The following UNC13B variants were observed in gnomAD, a reference collection of about 807,000 sequenced individuals.
UNC13B encodes protein unc-13 homolog B.
A neutral mutation model predicts 211.0 loss-of-function variants in UNC13B; 144 were observed. The observed-to-expected ratio is 0.68, with a 90% confidence interval of 0.60 to 0.78. UNC13B has a LOEUF of 0.78. Ranked by LOEUF, UNC13B falls within the 30% of genes least tolerant of loss-of-function variation. The pLI is 0.00. For missense variants in UNC13B, 1,777 were observed against 2,002.0 expected (o/e 0.89, Z 2.14); for synonymous variants, 709 against 725.8 (o/e 0.98, Z 0.37).
At chr9:35,313,144 C>T (rs580376) in intron 10 of UNC13B, among the ~76,000 whole-genome samples, 54,139 of 151,914 alleles carry the variant, frequency 0.36, 10,092 homozygotes, top group African/African-American at 0.46. Context: ...TCAGGGCTCT[C>T]GCCATTGCCT....
intron 1 of UNC13B, among the ~76,000 whole-genome samples, chr9:35,190,987 T>C (rs979014386): frequency 2.6e-5 from 4 of 151,788 alleles, no homozygotes; most frequent in Admixed American, 2.6e-4. Flanking sequence ...TGAGACAGAG[T>C]CTCGCTCTGT....
At chr9:35,188,685 T>C (rs915649830) in intron 1 of UNC13B, among the ~76,000 whole-genome samples, 3 of 152,224 alleles carry the variant, frequency 2.0e-5, no homozygotes, top group African/African-American at 4.8e-5. Flanking sequence ...AAATACTTGA[T>C]GTTATGAAAT....
At position 35,310,469 on chromosome 9, in the gene UNC13B, C is replaced by T; in HGVS notation, c.9011C>T (p.Pro3004Leu). The change falls in exon 10 of 40, where the codon CCC becomes CTC. Residue 3004 changes from proline (P) to leucine (L), a missense_variant and splice_region_variant. Physicochemically the swap from Pro to Leu is moderately conservative, Grantham distance 98. Coordinates refer to ENST00000635942, the MANE Select transcript of UNC13B (RefSeq NM_001371189.2). The stretch of plus-strand genomic sequence containing the variant: ...CTGTCTTTCTGTCATTCTCACAGCC[C>T]CACCAGCAGCAGTAGGTATGGCTCC... ...DIKEPMTNKS[P>L]TSSSRYGSSC... The T allele has an allele frequency of 1.2e-6, 2 of 1,612,312 alleles. No homozygotes were observed. The highest frequency in any genetic ancestry group is 1.7e-6 in the Non-Finnish European group (2 of 1,178,566).
chr9:35,275,693 A>G (rs1277718318), intron 7 of UNC13B, among the ~76,000 whole-genome samples: 1 of 151,978 alleles, frequency 6.6e-6, no homozygotes, highest in East Asian at 1.9e-4. Flanking sequence ...CCTGGGTTTA[A>G]GTGATTCCCC....
At chr9:35,398,074 C>T (rs920992748) in intron 30 of UNC13B, 137 bp from the exon 31 acceptor site, 1 of 695,242 alleles carries the variant, frequency 1.4e-6, no homozygotes, top group Admixed American at 3.0e-5. Flanking sequence ...TGAACTGGCC[C>T]CAGCTCTTAG....
intron 1 of UNC13B, 152 bp downstream of exon 1, chr9:35,162,457 G>T: frequency 3.7e-6 from 4 of 1,078,724 alleles, no homozygotes; most frequent in Non-Finnish European, 5.1e-6. Context: ...ACAATCACTT[G>T]AGTTCTTTCC....
chr9:35,333,602 C>T (rs1831486976), intron 11 of UNC13B, among the ~76,000 whole-genome samples: 1 of 152,230 alleles, frequency 6.6e-6, no homozygotes, highest in Admixed American at 6.5e-5. Context: ...CCTTAAATAT[C>T]CTTTCCTTTT....
Position 35,304,452 on chromosome 9 carries a change from C to G in UNC13B, c.5048C>G (p.Pro1683Arg). 2.5e-6 allele frequency: 1 copy of G among 398,446 alleles called. No individual in the cohort carries two copies. Among genetic ancestry groups the G allele is most frequent in the Non-Finnish European group, 4.4e-6 (1 of 225,806 alleles). 24.7% of individuals were successfully genotyped at this position (398,446 alleles called of 1,614,324 possible). The change falls in exon 9 of 40, where the codon CCC becomes CGC. Residue 1683 changes from proline (P) to arginine (R), a missense_variant. Coordinates refer to ENST00000635942, the MANE Select transcript of UNC13B (RefSeq NM_001371189.2). ...TGTACATTAGATCTCAGAAATCAGC[C>G]CCAAACTATTAGTAATCATGTCTCA... ...AECTLDLRNQ[P>R]QTISNHVSSR... is the part of the protein sequence containing the mutation.
chr9:35,166,627 C>T (rs1303397144), intron 1 of UNC13B, among the ~76,000 whole-genome samples: 1 of 152,052 alleles, frequency 6.6e-6, no homozygotes, highest in South Asian at 2.1e-4. Context: ...ACAAGGAACA[C>T]ACCACCACAC....
rs1248665965 is a variant in UNC13B, at chr9:35,404,818, T to G, written c.*785T>G. 1 of 152,602 alleles carries G rather than the reference T, an allele frequency of 6.6e-6. No individual in the cohort carries two copies. The highest frequency in any genetic ancestry group is 2.4e-5 in the African/African-American group (1 of 41,414). The allele number at this position is 152,602 out of a possible 1,614,324, so 9.5% of individuals were successfully genotyped here. ...CAGGCTGTTCTAACATGTGTCTACC[T>G]GAGGGCTAGTTGAAGGATCCAGGAG... is the stretch of plus-strand genomic sequence containing the variant. On this transcript the variant is annotated 3_prime_UTR_variant, in exon 40 of 40. Transcript: ENST00000635942.
chr9:35,398,940 CGGG>C lies in UNC13B; in HGVS notation c.11982_11984del (p.Gly3995del). On this transcript the variant is annotated inframe_deletion, in exon 33 of 40. Coordinates refer to ENST00000635942, the MANE Select transcript of UNC13B (RefSeq NM_001371189.2). ...AATGGCCGACATCCTGGGCCAGGTT[CGGG>C]GCACAGGGAATGCATCTCCAGACGC... 2 of 1,614,180 alleles carry C rather than the reference CGGG, an allele frequency of 1.2e-6. No homozygotes were observed. Among genetic ancestry groups the C allele is most frequent in the Non-Finnish European group, 1.7e-6 (2 of 1,180,028 alleles).
At chr9:35,377,891 A>G (rs1304840212) in intron 16 of UNC13B, among the ~76,000 whole-genome samples, 196 bp downstream of exon 16, 4 of 152,214 alleles carry the variant, frequency 2.6e-5, no homozygotes, top group Non-Finnish European at 5.9e-5. Flanking sequence ...GCTATCTGCA[A>G]ACAACATGAA....
intron 3 of UNC13B, 33 bp downstream of exon 3, chr9:35,231,252 AT>A: frequency 1.4e-6 from 2 of 1,380,564 alleles, no homozygotes; most frequent in Non-Finnish European, 1.0e-6. Context: ...GTGCCTACAT[AT>A]TTTATAATCT....
intron 7 of UNC13B, among the ~76,000 whole-genome samples, chr9:35,286,835 C>T (rs1337813735): frequency 6.6e-6 from 1 of 152,128 alleles, no homozygotes; most frequent in African/African-American, 2.4e-5. Context: ...ATCGCAAATC[C>T]ACAGGGCAGA....
intron 6 of UNC13B, among the ~76,000 whole-genome samples, chr9:35,246,160 T>C (rs1448817970): frequency 1.3e-5 from 2 of 152,178 alleles, no homozygotes; most frequent in Non-Finnish European, 2.9e-5. Flanking sequence ...TTTTGAGAAG[T>C]GCCTGTTCAT....
In UNC13B at chr9:35,399,739, C is replaced by T. The variant is rs766846095; in HGVS notation, c.12336+10C>T. On this transcript the variant is annotated intron_variant, in intron 36 of 39. Coordinates refer to ENST00000635942, the MANE Select transcript of UNC13B (RefSeq NM_001371189.2). ...CCTGGACACCATCAAGGTGGAGGCC[C>T]CCCCTTTTTCAGACAGTCTTAACCA... The T allele has an allele frequency of 6.2e-7, 1 of 1,613,962 alleles. No individual in the cohort carries two copies. The highest frequency in any genetic ancestry group is 1.3e-5 in the African/African-American group (1 of 74,986).
At position 35,336,314 on chromosome 9, in the gene UNC13B, C is replaced by T. The variant is rs192740973; in HGVS notation, c.9414+22325C>T. ...TTCTATATATCCTTTCTTACTACCC[C>T]GTCAAACATAAAATCTAACACTCCT... On this transcript the variant is annotated intron_variant, in intron 11 of 39. Coordinates refer to ENST00000635942, the MANE Select transcript of UNC13B (RefSeq NM_001371189.2). 4.1e-4 allele frequency among the ~76,000 whole-genome samples: 63 copies of T among 152,030 alleles called. 1 individual carries two copies. Among genetic ancestry groups the T allele is most frequent in the African/African-American group, 1.2e-3 (51 of 41,462 alleles).
chr9:35,282,484 G>A (rs1828554832), intron 7 of UNC13B, among the ~76,000 whole-genome samples: 1 of 152,102 alleles, frequency 6.6e-6, no homozygotes, highest in African/African-American at 2.4e-5. Context: ...AGGCTGGAGT[G>A]CAGTGGCTGT....
chr9:35,184,739 C>T (rs529318310), intron 1 of UNC13B, among the ~76,000 whole-genome samples: 130 of 94,544 alleles, frequency 1.4e-3, no homozygotes, highest in Non-Finnish European at 5.9e-4. Flanking sequence ...GAGAGGGAGA[C>T]GAAAGAAAGA....
Sources: gnomAD v4.1 joint callset for allele counts (sites outside exome capture counted in the v4.1 genomes callset) on GRCh38, gnomAD v4.1.1 for gene constraint, MANE v1.5 for transcripts, NCBI Gene and HGNC (gene_info 2026-07-23, HGNC 2026-07-21) for gene names.